Variants in CNTNAP5 observed in about 807,000 individuals in gnomAD.
CNTNAP5 encodes contactin associated protein family member 5.
A neutral mutation model predicts 150.2 loss-of-function variants in CNTNAP5; 72 were observed. The ratio of observed to expected loss-of-function variants is 0.48; its 90% CI spans 0.40 to 0.58. CNTNAP5 has a LOEUF of 0.58. CNTNAP5 is among the 20% of genes least tolerant of loss of function. CNTNAP5 has a pLI of 0.00. For synonymous variants in CNTNAP5, 672 were observed against 619.8 expected, an observed-to-expected ratio of 1.08 and a Z score of -1.25; for missense variants, 1,636 against 1,626.2, an observed-to-expected ratio of 1.01 and a Z score of -0.10.
intron 1 of CNTNAP5, among the ~76,000 whole-genome samples, chr2:124,101,417 T>G (rs1272862716): frequency 6.6e-6 from 1 of 152,106 alleles, no homozygotes; most frequent in Admixed American, 6.6e-5. Context: ...GACCTCTAAT[T>G]AGGTGCTCAC....
At chr2:124,311,558 C>G (rs1026879393) in intron 3 of CNTNAP5, among the ~76,000 whole-genome samples, 1 of 152,224 alleles carries the variant, frequency 6.6e-6, no homozygotes. Context: ...AAAGTCCTTT[C>G]TCCAAATATG....
chr2:124,348,872 T>C (rs1689803094), intron 3 of CNTNAP5, among the ~76,000 whole-genome samples: 1 of 152,196 alleles, frequency 6.6e-6, no homozygotes, highest in Non-Finnish European at 1.5e-5. Context: ...TGTGTCAAGC[T>C]GTTTCTTATC....
rs1553427461 is a variant in CNTNAP5 at position 124,653,919 on chromosome 2, C to CCA, written c.2077+5962_2077+5963insAC. Among the ~76,000 whole-genome samples, 411 of 138,898 alleles carry CCA rather than the reference C, an allele frequency of 3.0e-3. 15 individuals carry two copies. The highest frequency in any genetic ancestry group is 0.01 in the African/African-American group (387 of 36,998). 91.1% of individuals were successfully genotyped at this position (138,898 alleles called of 152,430 possible). On this transcript the variant is annotated intron_variant, in intron 13 of 23. Transcript: ENST00000682447. ...TGCCCCCACTGCCCCCAACCCCCCC[C>CCA]CCCCGCCACACACACACAATCAGTG...
intron 21 of CNTNAP5, among the ~76,000 whole-genome samples, chr2:124,889,649 T>C (rs1678153739): frequency 6.6e-6 from 1 of 152,174 alleles, no homozygotes; most frequent in Admixed American, 6.5e-5. Context: ...TCCTTTATGA[T>C]ATAGCTGGTG....
intron 13 of CNTNAP5, among the ~76,000 whole-genome samples, chr2:124,728,885 A>G (rs1054172173): frequency 6.6e-6 from 1 of 152,148 alleles, no homozygotes; most frequent in African/African-American, 2.4e-5. Flanking sequence ...AATCAAATAT[A>G]TAAGCTAGAC....
At position 124,920,237 on chromosome 2, in the gene CNTNAP5, C is replaced by G. The variant is rs1678847127; in HGVS notation, c.*5949C>G. ...GTCATAGTCTTACATGCTTCAGATG[C>G]CAGAAATATCTTCAGAGAACGTGAA... On this transcript the variant is annotated 3_prime_UTR_variant, in exon 24 of 24. Transcript: ENST00000682447. Among the ~76,000 whole-genome samples, 1 of 152,038 alleles carries G rather than the reference C, an allele frequency of 6.6e-6. No individual in the cohort carries two copies. Among genetic ancestry groups the G allele is most frequent in the Non-Finnish European group, 1.5e-5 (1 of 68,010 alleles).
At position 124,221,805 on chromosome 2, in the gene CNTNAP5, A is replaced by G. The variant is rs753178503; in HGVS notation, c.183A>G (p.Arg61=). ...GTHSPAQLNW[R]VGTGGWSPAD... ...ACAGCCCAGCTCAACTCAACTGGAG[A>G]GTTGGTAAGTAGGCTGACTGAAATC... Residue 61 remains arginine, a synonymous_variant, in exon 2 of 24, where the codon AGA becomes AGG. Coordinates refer to ENST00000682447, the MANE Select transcript of CNTNAP5 (RefSeq NM_001367498.1). 2 of 1,599,362 alleles carry G rather than the reference A, an allele frequency of 1.3e-6. No individual in the cohort carries two copies. Among genetic ancestry groups the G allele is most frequent in the Middle Eastern group, 1.7e-4 (1 of 6,034 alleles).
chr2:124,661,038 G>T (rs1379944841), intron 13 of CNTNAP5, among the ~76,000 whole-genome samples: 2 of 150,270 alleles, frequency 1.3e-5, no homozygotes, highest in African/African-American at 5.0e-5. Flanking sequence ...GTTGAAAGTT[G>T]CTCTGGGTGA....
At chr2:124,755,297 G>A (rs540418940) in intron 14 of CNTNAP5, among the ~76,000 whole-genome samples, 1 of 152,100 alleles carries the variant, frequency 6.6e-6, no homozygotes, top group African/African-American at 2.4e-5. Flanking sequence ...TGTCTGTAAA[G>A]TCTCATTATT....
intron 4 of CNTNAP5, among the ~76,000 whole-genome samples, chr2:124,422,499 C>T (rs139671067): frequency 6.6e-6 from 1 of 152,294 alleles, no homozygotes; most frequent in East Asian, 1.9e-4. Context: ...CATCAGTTAA[C>T]TGCGTGATTG....
intron 19 of CNTNAP5, among the ~76,000 whole-genome samples, chr2:124,813,603 A>G (rs552467983): frequency 1.3e-5 from 2 of 151,542 alleles, no homozygotes; most frequent in East Asian, 4.0e-4. Flanking sequence ...TCAACACTTC[A>G]CAAAATGAAC....
At chr2:124,061,541 T>C (rs1682011068) in intron 1 of CNTNAP5, among the ~76,000 whole-genome samples, 1 of 152,116 alleles carries the variant, frequency 6.6e-6, no homozygotes, top group Non-Finnish European at 1.5e-5. Context: ...AAGAAGACCA[T>C]GGGGAGGACA....
At chr2:124,132,759 G>A (rs1405121615) in intron 1 of CNTNAP5, among the ~76,000 whole-genome samples, 2 of 152,124 alleles carry the variant, frequency 1.3e-5, no homozygotes, top group Non-Finnish European at 2.9e-5. Flanking sequence ...TATAATTACT[G>A]TTCTGTCCAC....
intron 3 of CNTNAP5, among the ~76,000 whole-genome samples, chr2:124,289,398 T>A (rs1688229805): frequency 6.6e-6 from 1 of 152,194 alleles, no homozygotes; most frequent in Admixed American, 6.5e-5. Context: ...GATATAAAAT[T>A]TGTTTCACAT....
At chr2:124,626,917 G>A (rs1677735836) in intron 12 of CNTNAP5, among the ~76,000 whole-genome samples, 1 of 152,160 alleles carries the variant, frequency 6.6e-6, no homozygotes, top group Non-Finnish European at 1.5e-5. Flanking sequence ...CCCTGACAGT[G>A]CTAAGGAGAC....
At chr2:124,432,570 A>G (rs1558899692) in intron 4 of CNTNAP5, among the ~76,000 whole-genome samples, 2 of 152,012 alleles carry the variant, frequency 1.3e-5, no homozygotes. Flanking sequence ...TGGTCCTTCC[A>G]CTCACTGCTG....
chr2:124,660,043 A>G (rs66617377), intron 13 of CNTNAP5, among the ~76,000 whole-genome samples: 5,481 of 130,776 alleles, frequency 0.042, 147 homozygotes, highest in South Asian at 0.058. Context: ...AGGAAGGAAG[A>G]AAGGAAGGAA....
chr2:124,834,099 G>GT (rs1413846133), intron 19 of CNTNAP5, among the ~76,000 whole-genome samples: 1 of 152,140 alleles, frequency 6.6e-6, no homozygotes, highest in African/African-American at 2.4e-5. Context: ...CTTTATGATA[G>GT]TTACTATTAG....
intron 13 of CNTNAP5, among the ~76,000 whole-genome samples, chr2:124,689,793 G>T (rs2105077767): frequency 6.6e-6 from 1 of 152,080 alleles, no homozygotes; most frequent in African/African-American, 2.4e-5. Context: ...AGTTCAGTTG[G>T]TCTTGCTGTG....
Sources: gnomAD v4.1 joint callset for allele counts (sites outside exome capture counted in the v4.1 genomes callset) on GRCh38, gnomAD v4.1.1 for gene constraint, MANE v1.5 for transcripts, NCBI Gene and HGNC (gene_info 2026-07-23, HGNC 2026-07-21) for gene names.